The following WWOX variants were observed in gnomAD, a reference collection of about 807,000 sequenced individuals.
WWOX encodes WW domain-containing oxidoreductase.
Under a neutral mutation model 46.2 loss-of-function variants are expected in WWOX, and 69 were observed. That is an observed-to-expected ratio of 1.49 (90% CI 1.23 to 1.82). The LOEUF is 1.82. Ranked by LOEUF, WWOX falls within the 40% of genes most tolerant of loss-of-function variation. The pLI is 0.00. For synonymous variants in WWOX, 359 were observed against 202.6 expected (o/e 1.77, Z -6.56); for missense variants, 919 against 542.6 (o/e 1.69, Z -6.89).
rs563370581 is a variant in WWOX at position 78,188,223 on chromosome 16, CT to C, written c.516+23935del. Among the ~76,000 whole-genome samples the C allele has an allele frequency of 6.2e-3, 947 of 152,242 alleles. 16 individuals are homozygous for C. Among genetic ancestry groups the C allele is most frequent in the African/African-American group, 0.022 (922 of 41,538 alleles). On this transcript the variant is annotated intron_variant, in intron 5 of 8. Transcript: ENST00000566780. ...TGCTTGCCTTGGCCGGGCGCGGGAG[CT>C]CACACCTGTAATCCCAGCACTTTGG...
At chr16:78,497,223 C>T (rs1211995476) in intron 8 of WWOX, among the ~76,000 whole-genome samples, 2 of 68,698 alleles carry the variant, frequency 2.9e-5, no homozygotes, top group East Asian at 5.6e-4. Flanking sequence ...GATTCCACAG[C>T]ACATACTCAT....
chr16:78,439,042 C>T (rs1489827377), intron 8 of WWOX, among the ~76,000 whole-genome samples: 1 of 152,152 alleles, frequency 6.6e-6, no homozygotes, highest in Non-Finnish European at 1.5e-5. Context: ...ACTTCTCCCC[C>T]TTTCCATCTT....
chr16:79,035,818 G>C (rs2047855409), intron 8 of WWOX, among the ~76,000 whole-genome samples: 1 of 152,210 alleles, frequency 6.6e-6, no homozygotes, highest in Non-Finnish European at 1.5e-5. Context: ...CGGTGGCCAA[G>C]TTGGTGCTGT....
intron 8 of WWOX, among the ~76,000 whole-genome samples, chr16:78,933,797 T>C (rs532217365): frequency 1.3e-5 from 2 of 152,198 alleles, no homozygotes; most frequent in East Asian, 3.9e-4. Flanking sequence ...CGTAATTCAA[T>C]TACCTCCCAC....
chr16:78,501,196 T>C (rs920056077), intron 8 of WWOX, among the ~76,000 whole-genome samples: 1 of 147,022 alleles, frequency 6.8e-6, no homozygotes, highest in Non-Finnish European at 1.5e-5. Context: ...TCTTTCTCTT[T>C]TTTTTTTTTT....
At chr16:79,163,893 A>T (rs2050539204) in intron 8 of WWOX, among the ~76,000 whole-genome samples, 1 of 151,446 alleles carries the variant, frequency 6.6e-6, no homozygotes, top group Non-Finnish European at 1.5e-5. Flanking sequence ...GGAAAAAAAA[A>T]AAAAGGAACT....
chr16:79,204,399 C>T (rs948370399), intron 8 of WWOX: 1 of 152,070 alleles, frequency 6.6e-6, no homozygotes, highest in Non-Finnish European at 1.5e-5. Context: ...GTTTCTTTTT[C>T]CTTCCCTCGT....
At chr16:78,993,612 G>A (rs903417447) in intron 8 of WWOX, among the ~76,000 whole-genome samples, 3 of 152,190 alleles carry the variant, frequency 2.0e-5, no homozygotes, top group African/African-American at 4.8e-5. Flanking sequence ...TGCGCTGTGC[G>A]GCTTGGCATG....
At chr16:78,507,689 G>A (rs879460440) in intron 8 of WWOX, among the ~76,000 whole-genome samples, 2 of 152,096 alleles carry the variant, frequency 1.3e-5, no homozygotes, top group South Asian at 2.1e-4. Context: ...CTTGGCATGC[G>A]TTCTTACCTG....
At chr16:78,518,093 G>A (rs1050068471) in intron 8 of WWOX, among the ~76,000 whole-genome samples, 4 of 152,020 alleles carry the variant, frequency 2.6e-5, no homozygotes, top group African/African-American at 4.8e-5. Context: ...GGATCAGAAC[G>A]GCAGTATGTG....
At chr16:78,874,625 TG>T (rs2044197020) in intron 8 of WWOX, among the ~76,000 whole-genome samples, 1 of 150,366 alleles carries the variant, frequency 6.7e-6, no homozygotes, top group Non-Finnish European at 1.5e-5. Context: ...ATGTTGGCAA[TG>T]GGTAGTGGAC....
intron 8 of WWOX, among the ~76,000 whole-genome samples, chr16:78,711,997 C>A (rs765659361): frequency 6.6e-6 from 1 of 152,150 alleles, no homozygotes; most frequent in Admixed American, 6.5e-5. Flanking sequence ...TGTGCTAGTT[C>A]GGCAAAGAAG....
At chr16:79,115,299 A>G (rs1028029106) in intron 8 of WWOX, among the ~76,000 whole-genome samples, 1 of 152,238 alleles carries the variant, frequency 6.6e-6, no homozygotes, top group East Asian at 1.9e-4. Flanking sequence ...TGAAAAAGAA[A>G]CTTTCAATGT....
intron 7 of WWOX, among the ~76,000 whole-genome samples, chr16:78,432,081 A>T (rs2083232442): frequency 6.7e-6 from 1 of 150,186 alleles, no homozygotes. Flanking sequence ...TGTATGTAAG[A>T]TTGAGTTTTT....
chr16:78,178,897 C>G (rs1168945496), intron 5 of WWOX, among the ~76,000 whole-genome samples: 3 of 151,420 alleles, frequency 2.0e-5, no homozygotes, highest in African/African-American at 7.3e-5. Flanking sequence ...TTTAGAATTG[C>G]TTTCTCTTCG....
intron 4 of WWOX, among the ~76,000 whole-genome samples, chr16:78,133,761 G>A (rs12716848): frequency 0.65 from 98,867 of 152,140 alleles, 32,533 homozygotes; most frequent in East Asian, 0.75. Context: ...AGAAAAATCA[G>A]ACTGCTAGAA....
At chr16:78,988,062 G>T (rs772019660) in intron 8 of WWOX, among the ~76,000 whole-genome samples, 21 of 152,158 alleles carry the variant, frequency 1.4e-4, no homozygotes, top group African/African-American at 5.1e-4. Context: ...CGAATTTCTG[G>T]TCTGGTGCTG....
chr16:78,175,239 C>T (rs563441787), intron 5 of WWOX, among the ~76,000 whole-genome samples: 2 of 152,038 alleles, frequency 1.3e-5, no homozygotes, highest in Non-Finnish European at 2.9e-5. Context: ...GGGGGTTCAT[C>T]TGGAGCTAGT....
chr16:78,535,562 T>C (rs538844436), intron 8 of WWOX: 6 of 152,346 alleles, frequency 3.9e-5, no homozygotes, highest in Non-Finnish European at 8.8e-5. Flanking sequence ...AGACTTTTTC[T>C]GTCTCTGATG....
Sources: allele counts gnomAD v4.1 joint callset (sites outside exome capture counted in the v4.1 genomes callset), GRCh38; gene constraint gnomAD v4.1.1; transcripts MANE v1.5; gene names NCBI Gene and HGNC (gene_info 2026-07-23, HGNC 2026-07-21).